Variants in FBXL13 observed in about 807,000 individuals in gnomAD.
FBXL13 encodes the protein F-box and leucine rich repeat protein 13, also known as F-box and leucine-rich repeat protein 13.
FBXL13 carries 67 observed loss-of-function variants against 83.6 expected under a neutral mutation model. That is an observed-to-expected ratio of 0.80 (90% CI 0.66 to 0.98). FBXL13 has a LOEUF of 0.98. FBXL13 is among the 50% of genes least tolerant of loss of function. The pLI is 0.00. For synonymous variants in FBXL13, 272 were observed against 299.5 expected, an observed-to-expected ratio of 0.91 and a Z score of 0.95; for missense variants, 822 against 866.5, an observed-to-expected ratio of 0.95 and a Z score of 0.64.
chr7:103,060,018 TTTTATATA>T (rs1223862499), intron 1 of FBXL13, among the ~76,000 whole-genome samples: 7 of 58,354 alleles, frequency 1.2e-4, no homozygotes, highest in African/African-American at 1.8e-4. Context: ...TAGCAAGATA[TTTTATATA>T]TATATATATA....
At chr7:103,014,280 G>C (rs1420685291) in intron 6 of FBXL13, among the ~76,000 whole-genome samples, 1 of 152,048 alleles carries the variant, frequency 6.6e-6, no homozygotes, top group Non-Finnish European at 1.5e-5. Flanking sequence ...GCTTGAGTCT[G>C]GGAGGTTGAG....
chr7:102,925,167 G>A (rs1163483383), intron 10 of FBXL13, among the ~76,000 whole-genome samples: 2 of 152,144 alleles, frequency 1.3e-5, no homozygotes, highest in Non-Finnish European at 2.9e-5. Flanking sequence ...GCCCAAGTGG[G>A]CAGATCATTT....
chr7:102,999,897 C>A (rs748376257), intron 6 of FBXL13, among the ~76,000 whole-genome samples: 4 of 151,830 alleles, frequency 2.6e-5, no homozygotes, highest in Non-Finnish European at 5.9e-5. Flanking sequence ...TTTATTTCTG[C>A]CCTGATCTTC....
intron 16 of FBXL13, among the ~76,000 whole-genome samples, chr7:102,858,161 A>G (rs1806300284): frequency 6.6e-6 from 1 of 152,226 alleles, no homozygotes; most frequent in Admixed American, 6.5e-5. Flanking sequence ...AACATGGATG[A>G]GCCTGGAGGA....
intron 8 of FBXL13, chr7:102,942,210 T>C: frequency 4.4e-6 from 5 of 1,141,574 alleles, no homozygotes; most frequent in Non-Finnish European, 6.4e-6. Context: ...CAAAAGTTCT[T>C]TTGAAACAAA....
intron 11 of FBXL13, among the ~76,000 whole-genome samples, chr7:102,905,659 A>G (rs1813640428): frequency 6.6e-6 from 1 of 151,854 alleles, no homozygotes; most frequent in Non-Finnish European, 1.5e-5. Context: ...CTATTTTGTT[A>G]TCTGTCTTCT....
chr7:102,897,135 GTATC>G (rs1312320001), intron 11 of FBXL13, among the ~76,000 whole-genome samples: 4 of 151,440 alleles, frequency 2.6e-5, no homozygotes, highest in South Asian at 4.1e-4. Context: ...GTATATGTGT[GTATC>G]TATATGAGGA....
intron 18 of FBXL13, among the ~76,000 whole-genome samples, chr7:102,826,237 T>C (rs1381239282): frequency 6.6e-6 from 1 of 152,142 alleles, no homozygotes; most frequent in East Asian, 1.9e-4. Context: ...GCCTTGAAGA[T>C]GGACAGCAAG....
intron 16 of FBXL13, among the ~76,000 whole-genome samples, chr7:102,876,626 C>A (rs1809310057): frequency 6.6e-6 from 1 of 152,096 alleles, no homozygotes; most frequent in Admixed American, 6.5e-5. Flanking sequence ...AAAGGATACA[C>A]TGGGGCTGGA....
At chr7:103,074,393 T>A (rs1799418846) in exon 1 of FBXL13, 1 of 1,080,922 alleles carries the variant, frequency 9.3e-7, no homozygotes. Flanking sequence ...GTACTTCTTG[T>A]CCAAACCTTA....
chr7:102,822,006 C>T lies in FBXL13; in HGVS notation c.2018+34G>A, dbSNP rs77416262. 6.5e-3 allele frequency: 10,432 copies of T among 1,608,114 alleles called. 55 individuals are homozygous for T. The highest frequency in any genetic ancestry group is 0.022 in the Middle Eastern group (132 of 5,950). On this transcript the variant is annotated intron_variant, in intron 19 of 19. Transcript: ENST00000313221. ...TACTATGTTTTCTCAGAAAGTAGTT[C>T]TCAAAAGTTTGTCATAGTCAGGTAC...
At chr7:102,883,760 C>G in intron 12 of FBXL13, 75 bp from the exon 14 acceptor site, 1 of 857,826 alleles carries the variant, frequency 1.2e-6, no homozygotes, top group Non-Finnish European at 1.9e-6. Context: ...TCACTTTTTC[C>G]TTCAATATAT....
At chr7:102,865,538 A>C (rs545783438) in intron 16 of FBXL13, among the ~76,000 whole-genome samples, 1 of 148,450 alleles carries the variant, frequency 6.7e-6, no homozygotes, top group Non-Finnish European at 1.5e-5. Context: ...TTTTTGTTTG[A>C]TTGTTTGTTT....
intron 7 of FBXL13, among the ~76,000 whole-genome samples, chr7:102,964,403 TA>T (rs145898704): frequency 6.6e-4 from 89 of 134,718 alleles, no homozygotes; most frequent in East Asian, 2.1e-3. Flanking sequence ...TATATATATA[TA>T]TTTTTTTTTT....
At chr7:103,002,246 C>A (rs1279215230) in intron 6 of FBXL13, among the ~76,000 whole-genome samples, 1 of 152,070 alleles carries the variant, frequency 6.6e-6, no homozygotes, top group African/African-American at 2.4e-5. Context: ...TTTTTTTAAA[C>A]AGATTACAAC....
At chr7:102,826,510 T>C (rs1033475728) in intron 18 of FBXL13, among the ~76,000 whole-genome samples, 15 of 151,238 alleles carry the variant, frequency 9.9e-5, no homozygotes, top group African/African-American at 3.2e-4. Context: ...CTGAGGCAGG[T>C]GGATCACTTG....
chr7:103,066,481 T>C (rs1469327370), intron 1 of FBXL13, among the ~76,000 whole-genome samples: 2 of 151,898 alleles, frequency 1.3e-5, no homozygotes, highest in African/African-American at 4.8e-5. Context: ...AAGCTCTGCC[T>C]CCCGGGTTCA....
Position 103,029,431 on chromosome 7 carries a change from A to T in FBXL13, c.1-13T>A. 1 of 1,364,648 alleles carries T rather than the reference A, an allele frequency of 7.3e-7. No homozygotes were observed. The highest frequency in any genetic ancestry group is 1.4e-5 in the South Asian group (1 of 70,648). 84.5% of individuals were successfully genotyped at this position (1,364,648 alleles called of 1,614,324 possible). ...ATTCCGGAGTCATCTAAAGTAAATA[A>T]ATAATTGAAATAACAAATATTAGAA... On this transcript the variant is annotated splice_polypyrimidine_tract_variant and intron_variant, in intron 2 of 19. Coordinates refer to ENST00000313221, the Ensembl canonical transcript of FBXL13.
At chr7:103,029,401 C>T in exon 3 of FBXL13, 1 of 1,528,318 alleles carries the variant, frequency 6.5e-7, no homozygotes, top group Non-Finnish European at 8.8e-7. Context: ...AGGCTTTTAT[C>T]ATCAATTCCG....
Sources: allele counts gnomAD v4.1 joint callset (sites outside exome capture counted in the v4.1 genomes callset), GRCh38; gene constraint gnomAD v4.1.1; transcripts MANE v1.5; gene names NCBI Gene and HGNC (gene_info 2026-07-23, HGNC 2026-07-21).